Variants in ADAMTS6 observed in about 807,000 individuals in gnomAD.
ADAMTS6 encodes ADAM metallopeptidase with thrombospondin type 1 motif 6.
A neutral mutation model predicts 144.3 loss-of-function variants in ADAMTS6; 23 were observed. The ratio of observed to expected loss-of-function variants is 0.16; its 90% CI spans 0.11 to 0.23. The LOEUF is 0.23. ADAMTS6 is among the 10% of genes least tolerant of loss of function. The pLI, the probability that ADAMTS6 is intolerant of heterozygous loss-of-function variation, is 1.00. For missense variants in ADAMTS6, 999 were observed against 1,379.6 expected (o/e 0.72, Z 4.37); for synonymous variants, 444 against 457.5 (o/e 0.97, Z 0.38).
chr5:65,315,423 C>A (rs1744893001), intron 9 of ADAMTS6, among the ~76,000 whole-genome samples: 1 of 151,662 alleles, frequency 6.6e-6, no homozygotes, highest in African/African-American at 2.4e-5. Flanking sequence ...CAAGAAAAGG[C>A]AGAAAAAGAT....
chr5:65,365,433 G>A (rs896254458), intron 7 of ADAMTS6, among the ~76,000 whole-genome samples: 1 of 152,212 alleles, frequency 6.6e-6, no homozygotes, highest in Non-Finnish European at 1.5e-5. Context: ...ATCACCTGAG[G>A]TCAGGAGTTT....
chr5:65,297,440 C>T (rs1478314072), intron 10 of ADAMTS6, among the ~76,000 whole-genome samples: 2 of 152,122 alleles, frequency 1.3e-5, no homozygotes, highest in African/African-American at 4.8e-5. Flanking sequence ...GCCTATACAG[C>T]TACTAAGTAG....
intron 10 of ADAMTS6, among the ~76,000 whole-genome samples, chr5:65,299,131 C>T (rs904642497): frequency 6.6e-6 from 1 of 151,924 alleles, no homozygotes; most frequent in African/African-American, 2.4e-5. Flanking sequence ...CAATAAAGCA[C>T]TGAAATCTTG....
chr5:65,176,267 T>G (rs28851197), intron 22 of ADAMTS6, among the ~76,000 whole-genome samples: 64,799 of 151,864 alleles, frequency 0.43, 15,361 homozygotes, highest in Non-Finnish European at 0.53. Context: ...GCGAAAGTCG[T>G]GAAAGAAAAA....
intron 7 of ADAMTS6, among the ~76,000 whole-genome samples, chr5:65,363,361 T>C (rs1434058804): frequency 2.0e-5 from 3 of 152,274 alleles, no homozygotes; most frequent in East Asian, 1.9e-4. Context: ...GTTGTAACAA[T>C]AGCTTCACAC....
intron 15 of ADAMTS6, among the ~76,000 whole-genome samples, chr5:65,229,644 G>T (rs1417066651): frequency 6.6e-6 from 1 of 151,980 alleles, no homozygotes; most frequent in Non-Finnish European, 1.5e-5. Context: ...AGAAAACAAT[G>T]AATAAAATGA....
intron 20 of ADAMTS6, among the ~76,000 whole-genome samples, chr5:65,211,955 G>T (rs1045206065): frequency 1.3e-5 from 2 of 152,198 alleles, no homozygotes; most frequent in Admixed American, 6.5e-5. Flanking sequence ...AAGATGCACA[G>T]ACTTCAGTGA....
intron 7 of ADAMTS6, among the ~76,000 whole-genome samples, chr5:65,372,292 A>G (rs1384806029): frequency 2.0e-5 from 3 of 151,680 alleles, no homozygotes; most frequent in African/African-American, 7.3e-5. Context: ...AAATGCTCCA[A>G]TTAAAAGACA....
chr5:65,156,989 C>T (rs1436824081), intron 24 of ADAMTS6, among the ~76,000 whole-genome samples: 2 of 152,340 alleles, frequency 1.3e-5, no homozygotes, highest in East Asian at 3.9e-4. Flanking sequence ...TTACACTTTA[C>T]CCAGGACTAG....
intron 4 of ADAMTS6, among the ~76,000 whole-genome samples, chr5:65,455,538 T>A (rs1759122439): frequency 6.6e-6 from 1 of 150,874 alleles, no homozygotes; most frequent in Non-Finnish European, 1.5e-5. Context: ...CGAAACTCCA[T>A]CTCAAAAACT....
intron 15 of ADAMTS6, among the ~76,000 whole-genome samples, chr5:65,231,076 A>C (rs1406051665): frequency 6.6e-6 from 1 of 151,456 alleles, no homozygotes; most frequent in East Asian, 1.9e-4. Context: ...TAAATTCTAC[A>C]ATGAAAAACA....
chr5:65,441,748 T>G (rs1757870138), intron 7 of ADAMTS6, among the ~76,000 whole-genome samples: 1 of 148,790 alleles, frequency 6.7e-6, no homozygotes, highest in South Asian at 2.1e-4. Context: ...ACAGTGGAAC[T>G]AAATTAGAAA....
Position 65,214,708 on chromosome 5 carries a change from C to A in ADAMTS6, c.2575+86G>T, listed in dbSNP as rs755969509. The A allele has an allele frequency of 3.1e-6, 5 of 1,598,572 alleles. No homozygotes were observed. The highest frequency in any genetic ancestry group is 1.3e-5 in the African/African-American group (1 of 74,622). ...ACCTGCAAGAAATGTTTCCAATTAG[C>A]TTTTTTAACAAACACAAAGCATAGC... On this transcript the variant is annotated intron_variant, in intron 20 of 24. Transcript: ENST00000381055. This position sits in a 1 kb window ranked among gnomAD's most constrained non-coding sequence, Gnocchi z 4.6.
At chr5:65,405,070 A>T (rs1296951428) in intron 7 of ADAMTS6, among the ~76,000 whole-genome samples, 1 of 152,194 alleles carries the variant, frequency 6.6e-6, no homozygotes, top group Non-Finnish European at 1.5e-5. Context: ...AGTAGATTGC[A>T]AAAATTTTCT....
intron 21 of ADAMTS6, among the ~76,000 whole-genome samples, chr5:65,190,189 T>C (rs2112186702): frequency 6.6e-6 from 1 of 152,352 alleles, no homozygotes; most frequent in Non-Finnish European, 1.5e-5. Flanking sequence ...TTATATTTTA[T>C]CAACATCTAC....
intron 11 of ADAMTS6, among the ~76,000 whole-genome samples, chr5:65,286,737 T>TA (rs1741706147): frequency 6.6e-6 from 1 of 152,210 alleles, no homozygotes; most frequent in Non-Finnish European, 1.5e-5. Flanking sequence ...AATAAAGAGC[T>TA]AAAGCTGAGG....
At position 65,376,269 on chromosome 5, in the gene ADAMTS6, A is replaced by C. The variant is rs1382194317; in HGVS notation, c.1074-42184T>G. On this transcript the variant is annotated intron_variant, in intron 7 of 24. Coordinates refer to ENST00000381055, the MANE Select transcript of ADAMTS6 (RefSeq NM_197941.4). ...TAAAACTTAAAGTAAAATAATAATA[A>C]AAAATAAAAACATAAAAATAAAAAT... 2.0e-5 allele frequency among the ~76,000 whole-genome samples: 3 copies of C among 152,152 alleles called. No individual in the cohort carries two copies. In the South Asian group the frequency reaches 6.2e-4, roughly 32 times the overall value.
rs554932043 is a variant in ADAMTS6 at position 65,343,558 on chromosome 5, G to A, written c.1074-9473C>T. Among the ~76,000 whole-genome samples, 6 of 152,094 alleles carry A rather than the reference G, an allele frequency of 3.9e-5. No homozygotes were observed. In the South Asian group the frequency reaches 1.2e-3, roughly 32 times the overall value. The stretch of plus-strand genomic sequence containing the variant: ...AAAACTCAATTCAAAATTGATCAAA[G>A]ACCTAAATGTAATATCTGAAACATT... On this transcript the variant is annotated intron_variant, in intron 7 of 24. Coordinates refer to ENST00000381055, the MANE Select transcript of ADAMTS6 (RefSeq NM_197941.4).
intron 7 of ADAMTS6, among the ~76,000 whole-genome samples, chr5:65,412,385 C>T (rs1755121852): frequency 1.3e-5 from 2 of 151,838 alleles, no homozygotes; most frequent in South Asian, 4.1e-4. Context: ...AGTGAAAACA[C>T]ATACACACTT....
Sources: gnomAD v4.1 joint callset for allele counts (sites outside exome capture counted in the v4.1 genomes callset) on GRCh38, gnomAD v4.1.1 for gene constraint, Gnocchi (gnomAD v3.1) non-coding constraint, MANE v1.5 for transcripts, NCBI Gene and HGNC (gene_info 2026-07-23, HGNC 2026-07-21) for gene names.